Variants in ANO6 observed in about 807,000 individuals in gnomAD.
ANO6 encodes the protein anoctamin-6.
ANO6 carries 106 observed loss-of-function variants against 117.5 expected under a neutral mutation model. That is an observed-to-expected ratio of 0.90 (90% confidence interval 0.77 to 1.06). ANO6 has a LOEUF of 1.06. ANO6 is among the 50% of genes least tolerant of loss of function. The pLI is 0.00. For missense variants in ANO6, 955 were observed against 1,121.1 expected, an observed-to-expected ratio of 0.85 and a Z score of 2.12; for synonymous variants, 367 against 385.1, an observed-to-expected ratio of 0.95 and a Z score of 0.55.
At chr12:45,375,946 A>G (rs1744993210) in intron 9 of ANO6, among the ~76,000 whole-genome samples, 1 of 148,730 alleles carries the variant, frequency 6.7e-6, no homozygotes, top group Non-Finnish European at 1.5e-5. Flanking sequence ...AAATTTTCGC[A>G]ACCTACTCAT....
At chr12:45,383,630 C>T (rs1166844758) in intron 10 of ANO6, among the ~76,000 whole-genome samples, 2 of 152,210 alleles carry the variant, frequency 1.3e-5, no homozygotes, top group Admixed American at 6.5e-5. Context: ...AATCTCTGTA[C>T]ATCTCCATCA....
chr12:45,251,882 C>T (rs1402404627), intron 1 of ANO6, among the ~76,000 whole-genome samples: 1 of 152,188 alleles, frequency 6.6e-6, no homozygotes, highest in Non-Finnish European at 1.5e-5. Flanking sequence ...GCCTTCTGCC[C>T]TCTGAGTGAA....
intron 19 of ANO6, among the ~76,000 whole-genome samples, chr12:45,427,599 T>C (rs1204325792): frequency 6.6e-6 from 1 of 152,142 alleles, no homozygotes; most frequent in Non-Finnish European, 1.5e-5. Flanking sequence ...TATGCTTATA[T>C]TATCTCTCTC....
chr12:45,293,878 C>T (rs536129983), intron 1 of ANO6, among the ~76,000 whole-genome samples: 6 of 152,012 alleles, frequency 3.9e-5, no homozygotes, highest in Non-Finnish European at 7.4e-5. Context: ...CCACTGCGCC[C>T]GGCCAAAATA....
chr12:45,375,978 G>T (rs528829015), intron 9 of ANO6, among the ~76,000 whole-genome samples: 15 of 149,368 alleles, frequency 1.0e-4, no homozygotes, highest in Non-Finnish European at 2.1e-4. Context: ...CTAATATCCA[G>T]AATCTACAAT....
At chr12:45,410,021 G>T (rs907658360) in intron 16 of ANO6, among the ~76,000 whole-genome samples, 2 of 152,186 alleles carry the variant, frequency 1.3e-5, no homozygotes, top group African/African-American at 4.8e-5. Context: ...CTTCCAAAGT[G>T]CTGGGATTAC....
chr12:45,400,279 T>C (rs1942748559), intron 12 of ANO6, among the ~76,000 whole-genome samples: 2 of 152,166 alleles, frequency 1.3e-5, no homozygotes, highest in African/African-American at 4.8e-5. Context: ...TAATAAACAT[T>C]ATGGAGATAA....
chr12:45,338,787 T>C (rs1279551178), intron 3 of ANO6, among the ~76,000 whole-genome samples: 1 of 152,104 alleles, frequency 6.6e-6, no homozygotes, highest in African/African-American at 2.4e-5. Flanking sequence ...TCTTGCTTCT[T>C]ATTTCCAAAA....
In ANO6 at chr12:45,431,953, A is replaced by C; in HGVS notation, c.*2642A>C. ...CATCCCTCAGATAATTTAGCTATAT[A>C]TCATTAGAAAGGGAAAGCTATCATT... On this transcript the variant is annotated 3_prime_UTR_variant, in exon 20 of 20. Coordinates refer to ENST00000320560, the MANE Select transcript of ANO6 (RefSeq NM_001025356.3). 1.0e-6 allele frequency: 1 copy of C among 985,288 alleles called. No homozygotes were observed. The highest frequency in any genetic ancestry group is 4.7e-5 in the South Asian group (1 of 21,286). 61.0% of individuals were successfully genotyped at this position (985,288 alleles called of 1,614,324 possible). A position where few individuals can be genotyped will look rare whatever the true frequency, so the allele number is the denominator to read the frequency against.
intron 10 of ANO6, among the ~76,000 whole-genome samples, chr12:45,381,909 C>T (rs1298487341): frequency 2.0e-5 from 3 of 151,676 alleles, no homozygotes; most frequent in African/African-American, 4.8e-5. Flanking sequence ...CTGTTGATAC[C>T]TTATAGATAC....
chr12:45,256,839 T>A (rs1162992787), intron 1 of ANO6: 3 of 152,162 alleles, frequency 2.0e-5, no homozygotes, highest in Admixed American at 2.0e-4. Context: ...TATTATTGGG[T>A]GTACTGAGCA....
chr12:45,247,138 C>A (rs1202539904), intron 1 of ANO6, among the ~76,000 whole-genome samples: 2 of 152,114 alleles, frequency 1.3e-5, no homozygotes, highest in African/African-American at 4.8e-5. Flanking sequence ...GTTGGCCAGG[C>A]TGGTCTCAAA....
At chr12:45,314,531 AATATATATATACAC>A (rs1939956986) in intron 2 of ANO6, among the ~76,000 whole-genome samples, 1 of 150,838 alleles carries the variant, frequency 6.6e-6, no homozygotes. Flanking sequence ...ATATCTACCA[AATATATATATACAC>A]ATATATGTGT....
intron 16 of ANO6, among the ~76,000 whole-genome samples, chr12:45,411,820 C>T (rs1943092578): frequency 6.6e-6 from 1 of 152,206 alleles, no homozygotes; most frequent in Admixed American, 6.5e-5. Flanking sequence ...GTTAGCAGCA[C>T]CTGCTGCCTG....
chr12:45,305,525 T>C (rs1274981095), intron 2 of ANO6, among the ~76,000 whole-genome samples: 1 of 152,220 alleles, frequency 6.6e-6, no homozygotes, highest in Non-Finnish European at 1.5e-5. Flanking sequence ...AATGGTGGCA[T>C]AGCCAGATGT....
chr12:45,217,772 T>C (rs1389163633), intron 1 of ANO6, among the ~76,000 whole-genome samples: 1 of 152,206 alleles, frequency 6.6e-6, no homozygotes, highest in Non-Finnish European at 1.5e-5. Flanking sequence ...TACCTGATGA[T>C]TACATAAAAA....
At chr12:45,361,864 A>G (rs11183001) in intron 8 of ANO6, among the ~76,000 whole-genome samples, 22,751 of 152,030 alleles carry the variant, frequency 0.15, 2,351 homozygotes, top group East Asian at 0.46. Context: ...CATAGTATGT[A>G]GTACTTATTT....
intron 1 of ANO6, among the ~76,000 whole-genome samples, chr12:45,277,385 C>T (rs886959879): frequency 6.6e-6 from 1 of 152,200 alleles, no homozygotes; most frequent in Non-Finnish European, 1.5e-5. Flanking sequence ...GTGTAATCAG[C>T]CATGCATGGA....
chr12:45,237,562 T>C (rs1592852471), intron 1 of ANO6, among the ~76,000 whole-genome samples: 1 of 152,302 alleles, frequency 6.6e-6, no homozygotes, highest in Non-Finnish European at 1.5e-5. Flanking sequence ...CTGAGGCCTC[T>C]GTTCTGTTCC....
Sources: allele counts gnomAD v4.1 joint callset (sites outside exome capture counted in the v4.1 genomes callset), GRCh38; gene constraint gnomAD v4.1.1; transcripts MANE v1.5; gene names NCBI Gene and HGNC (gene_info 2026-07-23, HGNC 2026-07-21).